PLAGL2: variants seen among roughly 807,000 people sequenced by gnomAD.
PLAGL2 encodes the protein PLAG1 like zinc finger 2, also known as zinc finger protein PLAGL2.
Under a neutral mutation model 29.0 loss-of-function variants are expected in PLAGL2, and 7 were observed. The observed-to-expected ratio is 0.24, with a 90% CI of 0.14 to 0.45. The LOEUF (loss-of-function observed/expected upper bound fraction) is 0.45. Among genes scored for constraint, PLAGL2 ranks in the 20% least tolerant of loss-of-function variants. The pLI is 0.99. For missense variants in PLAGL2, 454 were observed against 648.2 expected, an observed-to-expected ratio of 0.70 and a Z score of 3.25; for synonymous variants, 234 against 266.0, an observed-to-expected ratio of 0.88 and a Z score of 1.17.
rs942094490 is a variant in PLAGL2 at position 32,195,601 on chromosome 20, G to A, written c.*851C>T. On this transcript the variant is annotated 3_prime_UTR_variant, in exon 3 of 3. Transcript: ENST00000246229. ...GGCAGGCAGGAACAAATGCAGTCAT[G>A]GAAGATGGCAGAGACTGAAGCAGTC... The A allele has an allele frequency of 6.6e-6, 1 of 152,670 alleles. No individual in the cohort carries two copies. The allele number at this position is 152,670 out of a possible 1,614,324, so 9.5% of individuals were successfully genotyped here. A position where few individuals can be genotyped will look rare whatever the true frequency, so the allele number is the denominator to read the frequency against.
rs1199003647 is a variant in PLAGL2, at chr20:32,193,153, AT to A, written c.*3298del. ...AAAAGCAAAATATTGATCCTGTACA[AT>A]ATAACCTGTTAAAAAAATCGTGCTT... On this transcript the variant is annotated 3_prime_UTR_variant, in exon 3 of 3. Coordinates refer to ENST00000246229, the MANE Select transcript of PLAGL2 (RefSeq NM_002657.3). 2 of 152,396 alleles carry A rather than the reference AT, an allele frequency of 1.3e-5. No individual in the cohort carries two copies. The highest frequency in any genetic ancestry group is 2.9e-5 in the Non-Finnish European group (2 of 68,040). 9.4% of individuals were successfully genotyped at this position (152,396 alleles called of 1,614,324 possible).
In PLAGL2 at chr20:32,196,346, T is replaced by G. The variant is rs1322266845; in HGVS notation, c.*106A>C. 1.1e-6 allele frequency: 1 copy of G among 879,214 alleles called. No individual in the cohort carries two copies. Among genetic ancestry groups the G allele is most frequent in the East Asian group, 2.8e-5 (1 of 35,406 alleles). The allele number at this position is 879,214 out of a possible 1,614,324, so 54.5% of individuals were successfully genotyped here. On this transcript the variant is annotated 3_prime_UTR_variant, in exon 3 of 3. Coordinates refer to ENST00000246229, the MANE Select transcript of PLAGL2 (RefSeq NM_002657.3). ...ATACAGACACTGGAATTTTTTTTTT[T>G]GAACCCAGCTCTGAAAGCTCAGCTG... is the stretch of plus-strand genomic sequence containing the variant.
rs570241030 is a variant in PLAGL2, at chr20:32,194,967, C to G, written c.*1485G>C. On this transcript the variant is annotated 3_prime_UTR_variant, in exon 3 of 3. Transcript: ENST00000246229. Reference sequence around the variant, plus strand: ...AAGGATGGGGTTCCTGGGCTCCAGGCAAGGGCTGTGCTCTCTGCAGCAGGG... The same window carrying G: ...AAGGATGGGGTTCCTGGGCTCCAGGGAAGGGCTGTGCTCTCTGCAGCAGGG... 1.3e-5 allele frequency: 2 copies of G among 151,076 alleles called. No individual in the cohort carries two copies. The highest frequency in any genetic ancestry group is 2.1e-4 in the South Asian group (1 of 4,794). 9.4% of individuals were successfully genotyped at this position (151,076 alleles called of 1,614,324 possible). A position where few individuals can be genotyped will look rare whatever the true frequency, so the allele number is the denominator to read the frequency against.
At position 32,194,852 on chromosome 20, in the gene PLAGL2, A is replaced by G. The variant is rs1323912411; in HGVS notation, c.*1600T>C. 7.2e-5 allele frequency: 11 copies of G among 152,646 alleles called. No homozygotes were observed. Among genetic ancestry groups the G allele is most frequent in the Admixed American group, 7.2e-4 (11 of 15,288 alleles). The allele number at this position is 152,646 out of a possible 1,614,324, so 9.5% of individuals were successfully genotyped here. ...AAGTGTGTTTCTGAATCAGAGTGGA[A>G]GCGTCTCAAGGGTCCCACAGTGGAG... On this transcript the variant is annotated 3_prime_UTR_variant, in exon 3 of 3. Transcript: ENST00000246229.
intron 1 of PLAGL2, among the ~76,000 whole-genome samples, chr20:32,205,888 C>T (rs541914766): frequency 6.6e-6 from 1 of 152,300 alleles, no homozygotes; most frequent in South Asian, 2.1e-4. Flanking sequence ...CACCCCTGCA[C>T]AAGGAAAGGG....
intron 1 of PLAGL2, among the ~76,000 whole-genome samples, chr20:32,203,705 A>G (rs1165992215): frequency 1.3e-5 from 2 of 152,196 alleles, no homozygotes; most frequent in African/African-American, 4.8e-5. Context: ...CCATTCATCC[A>G]ACAGACTGGC....
In PLAGL2 at chr20:32,196,299, C is replaced by T. The variant is rs1406527851; in HGVS notation, c.*153G>A. On this transcript the variant is annotated 3_prime_UTR_variant, in exon 3 of 3. Coordinates refer to ENST00000246229, the MANE Select transcript of PLAGL2 (RefSeq NM_002657.3). Reference sequence around the variant, plus strand: ...TCTGGAATCGATCCTAGAGCCTGAACCCCCAAACCAAGTGCTCCTGTATAC... The same window carrying T: ...TCTGGAATCGATCCTAGAGCCTGAATCCCCAAACCAAGTGCTCCTGTATAC... 1.3e-5 allele frequency: 6 copies of T among 459,302 alleles called. No homozygotes were observed. In the Admixed American group the frequency reaches 1.6e-4, roughly 12 times the overall value. 28.5% of individuals were successfully genotyped at this position (459,302 alleles called of 1,614,324 possible). A position where few individuals can be genotyped will look rare whatever the true frequency, so the allele number is the denominator to read the frequency against.
rs569299854 is a variant in PLAGL2, at chr20:32,206,193, A to G, written c.-115+1448T>C. On this transcript the variant is annotated intron_variant, in intron 1 of 2. Transcript: ENST00000246229. The stretch of plus-strand genomic sequence containing the variant: ...GATCTCAGAACCAGAAACAAATCCT[A>G]AAACACACTGGTTGGCTGGAAAACA... 6.6e-5 allele frequency among the ~76,000 whole-genome samples: 10 copies of G among 152,332 alleles called. 1 individual carries two copies. The South Asian group carries it at 1.9e-3, about 28-fold the overall frequency.
In PLAGL2 at chr20:32,196,262, C is replaced by A. The variant is rs1444039935; in HGVS notation, c.*190G>T. ...ATGAGATCTTTTCACGGGGTTGGGG[C>A]TCAAGGCTCCTTCTGGAATCGATCC... On this transcript the variant is annotated 3_prime_UTR_variant, in exon 3 of 3. Transcript: ENST00000246229. The A allele has an allele frequency of 1.2e-5, 5 of 406,118 alleles. No individual in the cohort carries two copies. The highest frequency in any genetic ancestry group is 2.2e-5 in the Non-Finnish European group (5 of 230,080). 25.2% of individuals were successfully genotyped at this position (406,118 alleles called of 1,614,324 possible).
In PLAGL2 at chr20:32,196,922, T is replaced by G. The variant is rs988695117; in HGVS notation, c.1021A>C (p.Lys341Gln). The G allele has an allele frequency of 1.9e-6, 3 of 1,614,008 alleles. No homozygotes were observed. In the African/African-American group the frequency reaches 4.0e-5, roughly 22 times the overall value. ...TATGAGGTAGATCCAAGCTGGTATT[T>G]TGGAGGGAGCTGAGCTGGGGAAGAG... ...PISSPAQLPP[K>Q]YQLGSTSYLP... The change falls in exon 3 of 3, where the codon AAA (lysine) becomes CAA (glutamine). Residue 341 changes from lysine (K) to glutamine (Q), a missense_variant. Physicochemically the swap from Lys to Gln is moderately conservative, Grantham distance 53. This residue lies in a region of PLAGL2 where 247 missense variants were observed against 350.3 expected (regional missense o/e 0.71). Transcript: ENST00000246229.
At chr20:32,207,355 T>C (rs1011932405) in intron 1 of PLAGL2, among the ~76,000 whole-genome samples, 4 of 151,638 alleles carry the variant, frequency 2.6e-5, no homozygotes, top group African/African-American at 9.7e-5. Flanking sequence ...GGGTCGGGAA[T>C]GGGGGACCCT....
chr20:32,203,312 G>A (rs2047269056), intron 1 of PLAGL2, among the ~76,000 whole-genome samples: 1 of 152,200 alleles, frequency 6.6e-6, no homozygotes, highest in African/African-American at 2.4e-5. Flanking sequence ...TTCCCAAGTG[G>A]GGAGCCGAAA....
intron 2 of PLAGL2, among the ~76,000 whole-genome samples, chr20:32,201,293 A>T (rs2047258006): frequency 6.6e-6 from 1 of 152,220 alleles, no homozygotes; most frequent in African/African-American, 2.4e-5. Context: ...ATTTAAAAAA[A>T]AATGTTCAGG....
chr20:32,205,215 C>T (rs1005479554), intron 1 of PLAGL2, among the ~76,000 whole-genome samples: 1 of 152,134 alleles, frequency 6.6e-6, no homozygotes, highest in Non-Finnish European at 1.5e-5. Context: ...CCTCTTTTTC[C>T]GCATGAGGCC....
rs376789317 is a variant in PLAGL2, at chr20:32,196,800, T to G, written c.1143A>C (p.Ser381=). The G allele has an allele frequency of 6.2e-7, 1 of 1,611,932 alleles. No individual in the cohort carries two copies. Among genetic ancestry groups the G allele is most frequent in the Non-Finnish European group, 8.5e-7 (1 of 1,178,600 alleles). ...GGGCCGCAGCTGCCGCCGGCTGAGG[T>G]GAGGCGGGCTGGGGTTCAGCGGATG... The part of the protein sequence containing the change: ...SLSSAEPQPA[S]PQPAAAAALL... Residue 381 remains serine, a synonymous_variant, in exon 3 of 3, where the codon TCA becomes TCC. Transcript: ENST00000246229.
At chr20:32,198,198 C>G (rs1003891418) in intron 2 of PLAGL2, among the ~76,000 whole-genome samples, 4 of 152,190 alleles carry the variant, frequency 2.6e-5, no homozygotes, top group Non-Finnish European at 5.9e-5. Context: ...CGAAAAAGAA[C>G]CGAACAGCTT....
At position 32,196,349 on chromosome 20, in the gene PLAGL2, A is replaced by G; in HGVS notation, c.*103T>C. 1.1e-6 allele frequency: 1 copy of G among 907,368 alleles called. No homozygotes were observed. Among genetic ancestry groups the G allele is most frequent in the Non-Finnish European group, 1.6e-6 (1 of 644,244 alleles). The allele number at this position is 907,368 out of a possible 1,614,324, so 56.2% of individuals were successfully genotyped here. A position where few individuals can be genotyped will look rare whatever the true frequency, so the allele number is the denominator to read the frequency against. On this transcript the variant is annotated 3_prime_UTR_variant, in exon 3 of 3. Transcript: ENST00000246229. ...CAGACACTGGAATTTTTTTTTTTGA[A>G]CCCAGCTCTGAAAGCTCAGCTGCCT... is the stretch of plus-strand genomic sequence containing the variant.
chr20:32,207,221 G>A (rs2047293547), intron 1 of PLAGL2, among the ~76,000 whole-genome samples: 1 of 152,194 alleles, frequency 6.6e-6, no homozygotes, highest in South Asian at 2.1e-4. Flanking sequence ...GAGCAGGAAA[G>A]GGGGTTATGT....
At position 32,200,277 on chromosome 20, in the gene PLAGL2, G is replaced by A. The variant is rs1166562966; in HGVS notation, c.260+1642C>T. 5.9e-5 allele frequency among the ~76,000 whole-genome samples: 9 copies of A among 152,228 alleles called. 1 individual carries two copies. In the East Asian group the frequency reaches 1.7e-3, roughly 29 times the overall value. ...TTTTGAGACGGAGTCTCGCTCTGTC[G>A]CCCAGGCTGGAGTGCAGTGGTGTGA... On this transcript the variant is annotated intron_variant, in intron 2 of 2. Coordinates refer to ENST00000246229, the MANE Select transcript of PLAGL2 (RefSeq NM_002657.3).
Sources: gnomAD v4.1 joint callset for allele counts (sites outside exome capture counted in the v4.1 genomes callset) on GRCh38, gnomAD v4.1.1 for gene constraint, gnomAD v4.1.1 regional missense constraint, MANE v1.5 for transcripts, NCBI Gene and HGNC (gene_info 2026-07-23, HGNC 2026-07-21) for gene names.